Variants in AUTS2 observed in about 807,000 individuals in gnomAD.
AUTS2 encodes autism susceptibility gene 2 protein.
AUTS2 carries 17 observed loss-of-function variants against 112.4 expected under a neutral mutation model. That is an observed-to-expected ratio of 0.15 (90% CI 0.10 to 0.23). The LOEUF (loss-of-function observed/expected upper bound fraction) is 0.23. Among genes scored for constraint, AUTS2 ranks in the 10% least tolerant of loss-of-function variants. The pLI is 1.00. For missense variants in AUTS2, 1,510 were observed against 1,701.6 expected (o/e 0.89, Z 1.98); for synonymous variants, 751 against 702.7 (o/e 1.07, Z -1.09).
chr7:70,622,048 C>T (rs1182916558), intron 5 of AUTS2, among the ~76,000 whole-genome samples: 6 of 151,524 alleles, frequency 4.0e-5, no homozygotes, highest in Non-Finnish European at 5.9e-5. Flanking sequence ...CTGTTGGGCA[C>T]GGTGCTCTCA....
In AUTS2 at chr7:70,380,896, A is replaced by G. The variant is rs1276867291; in HGVS notation, c.661-54856A>G. Among the ~76,000 whole-genome samples, 38 of 152,260 alleles carry G rather than the reference A, an allele frequency of 2.5e-4. 1 individual carries two copies. Among genetic ancestry groups the G allele is most frequent in the Admixed American group, 2.5e-3 (38 of 15,292 alleles). Reference sequence around the variant, plus strand: ...AATAGAACAGCCTGTTTTCAGAAATATGCTATCAAACACATTTATCTTTGG... The same window carrying G: ...AATAGAACAGCCTGTTTTCAGAAATGTGCTATCAAACACATTTATCTTTGG... On this transcript the variant is annotated intron_variant, in intron 4 of 18. Transcript: ENST00000342771.
intron 1 of AUTS2, among the ~76,000 whole-genome samples, chr7:69,779,119 T>G (rs1282658599): frequency 6.6e-6 from 1 of 150,452 alleles, no homozygotes; most frequent in Non-Finnish European, 1.5e-5. Flanking sequence ...CTTGAACTTC[T>G]TGGGCTCAAG....
intron 2 of AUTS2, among the ~76,000 whole-genome samples, chr7:70,099,039 T>C (rs1444809486): frequency 6.6e-6 from 1 of 152,104 alleles, no homozygotes; most frequent in Non-Finnish European, 1.5e-5. Flanking sequence ...GTGTTTCTGT[T>C]TATTTTGTCA....
At chr7:70,698,707 ATCTT>A (rs963625531) in intron 6 of AUTS2, 87 bp downstream of exon 6, 3 of 1,029,848 alleles carry the variant, frequency 2.9e-6, no homozygotes, top group Non-Finnish European at 4.3e-6. Context: ...AGCTAGAGTG[ATCTT>A]TCTCTTATAA....
At chr7:69,916,116 C>A (rs182900484) in intron 2 of AUTS2, among the ~76,000 whole-genome samples, 1 of 152,268 alleles carries the variant, frequency 6.6e-6, no homozygotes, top group Admixed American at 6.5e-5. Context: ...AGAGCTGTTT[C>A]TAATTTACTA....
chr7:70,314,613 C>T (rs1205517023), intron 4 of AUTS2, among the ~76,000 whole-genome samples: 1 of 152,150 alleles, frequency 6.6e-6, no homozygotes, highest in Non-Finnish European at 1.5e-5. Context: ...TTTTTCCTCT[C>T]ATCTTAAACC....
intron 4 of AUTS2, among the ~76,000 whole-genome samples, chr7:70,385,964 C>T (rs1429955418): frequency 1.3e-5 from 2 of 152,134 alleles, no homozygotes; most frequent in Non-Finnish European, 2.9e-5. Flanking sequence ...TTTGCCAGCC[C>T]AGGTTTCATA....
intron 6 of AUTS2, among the ~76,000 whole-genome samples, chr7:70,720,925 G>A (rs749287430): frequency 2.0e-5 from 3 of 152,064 alleles, no homozygotes; most frequent in South Asian, 2.1e-4. Context: ...TCTTAAACAC[G>A]AGAGATAAGC....
intron 2 of AUTS2, among the ~76,000 whole-genome samples, chr7:69,922,798 A>G (rs1227438392): frequency 6.6e-6 from 1 of 152,212 alleles, no homozygotes; most frequent in Non-Finnish European, 1.5e-5. Context: ...GGTTACTGAA[A>G]GCATGAGGAG....
chr7:70,329,313 C>T (rs964570393), intron 4 of AUTS2, among the ~76,000 whole-genome samples: 2 of 152,038 alleles, frequency 1.3e-5, no homozygotes, highest in African/African-American at 4.8e-5. Context: ...CATTGCAGGA[C>T]GATATGATAC....
At chr7:70,010,022 T>G (rs1197936760) in intron 2 of AUTS2, among the ~76,000 whole-genome samples, 1 of 152,264 alleles carries the variant, frequency 6.6e-6, no homozygotes, top group Non-Finnish European at 1.5e-5. Flanking sequence ...AGGCTTTATC[T>G]TTCTTACTGC....
intron 5 of AUTS2, among the ~76,000 whole-genome samples, chr7:70,599,171 G>A (rs952005522): frequency 1.3e-5 from 2 of 152,198 alleles, no homozygotes; most frequent in Non-Finnish European, 2.9e-5. Flanking sequence ...GTAACTCCCT[G>A]AAGCCGTACT....
At chr7:70,088,946 A>G (rs980343746) in intron 2 of AUTS2, among the ~76,000 whole-genome samples, 7 of 152,042 alleles carry the variant, frequency 4.6e-5, no homozygotes, top group African/African-American at 1.7e-4. Context: ...CTGTGTTCTC[A>G]TTTTTATCCA....
chr7:69,910,287 C>T (rs571862720), intron 2 of AUTS2, among the ~76,000 whole-genome samples: 18 of 152,332 alleles, frequency 1.2e-4, no homozygotes, highest in Non-Finnish European at 2.4e-4. Context: ...GAGTATTGCT[C>T]ATGCTCACTG....
chr7:70,250,714 C>T (rs1478405001), intron 4 of AUTS2, among the ~76,000 whole-genome samples: 1 of 152,102 alleles, frequency 6.6e-6, no homozygotes, highest in East Asian at 1.9e-4. Context: ...CCCTTTGCAG[C>T]AACATTGACA....
intron 2 of AUTS2, among the ~76,000 whole-genome samples, chr7:70,110,269 A>G (rs950701579): frequency 6.6e-6 from 1 of 152,218 alleles, no homozygotes; most frequent in East Asian, 1.9e-4. Context: ...TAATCCCAAC[A>G]CTTTGGGAGG....
intron 1 of AUTS2, among the ~76,000 whole-genome samples, chr7:69,702,994 G>T (rs1205453758): frequency 6.6e-6 from 1 of 152,124 alleles, no homozygotes; most frequent in East Asian, 1.9e-4. Context: ...TAACTATTAG[G>T]TTGGTGCAAA....
intron 5 of AUTS2, among the ~76,000 whole-genome samples, chr7:70,651,108 T>C (rs370876780): frequency 8.9e-4 from 135 of 152,394 alleles, no homozygotes; most frequent in African/African-American, 3.2e-3. Context: ...GATAAAGTTC[T>C]AAGCACTTTA....
chr7:70,627,850 G>A (rs1805030947), intron 5 of AUTS2, among the ~76,000 whole-genome samples: 1 of 152,214 alleles, frequency 6.6e-6, no homozygotes, highest in African/African-American at 2.4e-5. Context: ...GTCAAGGTTG[G>A]GATAAACGTG....
Sources: gnomAD v4.1 joint callset for allele counts (sites outside exome capture counted in the v4.1 genomes callset) on GRCh38, gnomAD v4.1.1 for gene constraint, MANE v1.5 for transcripts, NCBI Gene and HGNC (gene_info 2026-07-23, HGNC 2026-07-21) for gene names.